CDON: variants seen among roughly 807,000 people sequenced by gnomAD.
The protein encoded by CDON is cell adhesion molecule-related/down-regulated by oncogenes.
In CDON, 73 loss-of-function variants were observed where a neutral mutation model predicts 120.9. The ratio of observed to expected loss-of-function variants is 0.60; its 90% CI spans 0.50 to 0.73. The LOEUF (loss-of-function observed/expected upper bound fraction) is 0.73. Ranked by LOEUF, CDON falls within the 30% of genes least tolerant of loss-of-function variation. The pLI, the probability that CDON is intolerant of heterozygous loss-of-function variation, is 0.00. For synonymous variants in CDON, 566 were observed against 573.5 expected (o/e 0.99, Z 0.19); for missense variants, 1,470 against 1,587.3 (o/e 0.93, Z 1.26).
intron 18 of CDON, among the ~76,000 whole-genome samples, chr11:125,970,468 C>A (rs571402335): frequency 1.3e-5 from 2 of 151,982 alleles, no homozygotes; most frequent in East Asian, 3.9e-4. Flanking sequence ...CCACCGCACC[C>A]GGCCAGTAGT....
At chr11:126,023,322 G>T in intron 2 of CDON, 79 bp downstream of exon 2, 1 of 895,962 alleles carries the variant, frequency 1.1e-6, no homozygotes, top group Non-Finnish European at 1.9e-6. Context: ...TTATCACAAA[G>T]CATTGAAGTA....
intron 1 of CDON, among the ~76,000 whole-genome samples, chr11:126,044,021 G>C (rs1369127967): frequency 6.6e-6 from 1 of 152,170 alleles, no homozygotes; most frequent in Non-Finnish European, 1.5e-5. Flanking sequence ...ACATCTGAAG[G>C]CCACATGACA....
chr11:126,034,529 T>C lies in CDON; in HGVS notation c.-61-10992A>G, dbSNP rs957093243. ...CTCAGTTAGGTTCTATTCACAATAT[T>C]TGTGTGTTTAAAAAAAAAAGTCAAG... On this transcript the variant is annotated intron_variant, in intron 1 of 19. Transcript: ENST00000531738. The surrounding 1 kb of genome is among the most constrained non-coding windows in gnomAD (Gnocchi z 4.5). Among the ~76,000 whole-genome samples, 16 of 152,092 alleles carry C rather than the reference T, an allele frequency of 1.1e-4. No homozygotes were observed. The highest frequency in any genetic ancestry group is 3.9e-4 in the African/African-American group (16 of 41,398).
chr11:125,963,211 C>T (rs2134345567), intron 18 of CDON, among the ~76,000 whole-genome samples: 1 of 152,184 alleles, frequency 6.6e-6, no homozygotes, highest in East Asian at 1.9e-4. Flanking sequence ...GCTTATTCTC[C>T]AATACTTTCA....
intron 18 of CDON, among the ~76,000 whole-genome samples, chr11:125,977,676 T>G (rs1565498138): frequency 1.3e-5 from 2 of 151,920 alleles, no homozygotes; most frequent in African/African-American, 4.8e-5. Context: ...TAGAGAGAGG[T>G]CGTAGGAAAG....
chr11:126,023,543 A>G lies in CDON; in HGVS notation c.-61-6T>C, dbSNP rs1237409126. The G allele has an allele frequency of 1.0e-5, 12 of 1,148,770 alleles. No homozygotes were observed. The highest frequency in any genetic ancestry group is 1.5e-5 in the African/African-American group (1 of 65,726). 71.2% of individuals were successfully genotyped at this position (1,148,770 alleles called of 1,614,324 possible). A position where few individuals can be genotyped will look rare whatever the true frequency, so the allele number is the denominator to read the frequency against. On this transcript the variant is annotated splice_polypyrimidine_tract_variant and splice_region_variant and intron_variant, in intron 1 of 19. Coordinates refer to ENST00000531738, the MANE Select transcript of CDON (RefSeq NM_001378964.1). ...AAAACCCAGTCCTTGGTTCACTAAAAAAGAAAAAGGAAAGAAAATCTAAAC... is the reference window on the plus strand; with the variant it reads ...AAAACCCAGTCCTTGGTTCACTAAAGAAGAAAAAGGAAAGAAAATCTAAAC...
intron 13 of CDON, 133 bp from the exon 14 acceptor site, chr11:125,994,522 A>T: frequency 1.5e-6 from 1 of 678,682 alleles, no homozygotes; most frequent in Non-Finnish European, 2.6e-6. Context: ...GCCATTTTTA[A>T]TTTACTTCAA....
chr11:126,004,532 A>G (rs565203753), intron 9 of CDON: 5 of 169,856 alleles, frequency 2.9e-5, no homozygotes, highest in Non-Finnish European at 6.4e-5. Context: ...GTATATTTCC[A>G]GCATTCTTGC....
In CDON at chr11:126,034,436, G is replaced by C. The variant is rs573950727; in HGVS notation, c.-61-10899C>G. ...GGGTCACACGCAGAAAAAGGCAACA[G>C]TGAGGGGCTGCCAGCTGCAACAGGA... On this transcript the variant is annotated intron_variant, in intron 1 of 19. Coordinates refer to ENST00000531738, the MANE Select transcript of CDON (RefSeq NM_001378964.1). This position sits in a 1 kb window ranked among gnomAD's most constrained non-coding sequence, Gnocchi z 4.5. 6.6e-6 allele frequency among the ~76,000 whole-genome samples: 1 copy of C among 152,258 alleles called. No individual in the cohort carries two copies. Among genetic ancestry groups the C allele is most frequent in the South Asian group, 2.1e-4 (1 of 4,820 alleles).
At chr11:125,961,290 C>T (rs1945636629) in intron 19 of CDON, among the ~76,000 whole-genome samples, 185 bp from the exon 20 acceptor site, 1 of 152,144 alleles carries the variant, frequency 6.6e-6, no homozygotes, top group Non-Finnish European at 1.5e-5. Flanking sequence ...TAAAGTTGAG[C>T]TCTCATGAGA....
intron 1 of CDON, among the ~76,000 whole-genome samples, chr11:126,043,656 GTTT>G (rs1416580342): frequency 3.9e-5 from 6 of 152,164 alleles, no homozygotes; most frequent in Non-Finnish European, 7.3e-5. Flanking sequence ...ACAGGGTGAG[GTTT>G]GCACCCAGGG....
At chr11:126,038,817 C>T (rs1446195579) in intron 1 of CDON, among the ~76,000 whole-genome samples, 1 of 152,124 alleles carries the variant, frequency 6.6e-6, no homozygotes, top group African/African-American at 2.4e-5. Context: ...TAAGTAAGTA[C>T]CTCAAGAGTA....
At position 125,958,302 on chromosome 11, in the gene CDON, T is replaced by C. The variant is rs886047951; in HGVS notation, c.*2640A>G. 6.6e-6 allele frequency: 1 copy of C among 152,134 alleles called. No individual in the cohort carries two copies. The highest frequency in any genetic ancestry group is 2.4e-5 in the African/African-American group (1 of 41,416). The allele number at this position is 152,134 out of a possible 1,614,324, so 9.4% of individuals were successfully genotyped here. ...CAGGTCCCATGGCTCACTGAGTGAC[T>C]TGGGGATTTTAATGCCAACTTTGTA... On this transcript the variant is annotated 3_prime_UTR_variant, in exon 20 of 20. Coordinates refer to ENST00000531738, the MANE Select transcript of CDON (RefSeq NM_001378964.1).
chr11:126,020,446 CTTTA>C (rs1436970395), intron 3 of CDON, among the ~76,000 whole-genome samples: 1 of 152,166 alleles, frequency 6.6e-6, no homozygotes, highest in Non-Finnish European at 1.5e-5. Flanking sequence ...GCAGGGGACT[CTTTA>C]TTATCTCCAG....
chr11:126,006,039 G>C lies in CDON; in HGVS notation c.1571C>G (p.Thr524Arg), dbSNP rs746787685. ...AGGAAGTGTGACTGTCTCTGCTTTT[G>C]TATTTGTTTCAAAAGGAACTGCAGG... ...SLMVVPFETN[T>R]KAETVTLPDA... The change falls in exon 9 of 20, where the codon ACA (threonine) becomes AGA (arginine). Residue 524 changes from threonine to arginine, a missense_variant. Coordinates refer to ENST00000531738, the MANE Select transcript of CDON (RefSeq NM_001378964.1). 1 of 1,613,888 alleles carries C rather than the reference G, an allele frequency of 6.2e-7. No individual in the cohort carries two copies. Among genetic ancestry groups the C allele is most frequent in the Admixed American group, 1.7e-5 (1 of 60,008 alleles).
chr11:125,989,637 C>T lies in CDON; in HGVS notation c.2773G>A (p.Val925Met). 3 of 1,612,604 alleles carry T rather than the reference C, an allele frequency of 1.9e-6. No individual in the cohort carries two copies. Among genetic ancestry groups the T allele is most frequent in the South Asian group, 1.1e-5 (1 of 91,020 alleles). Residue 925 changes from valine (V) to methionine (M), a missense_variant and splice_region_variant, in exon 15 of 20, where the codon GTG becomes ATG. By Grantham distance (21) the Val-to-Met change is conservative. Coordinates refer to ENST00000531738, the MANE Select transcript of CDON (RefSeq NM_001378964.1). ...CAGGGAAAAGCAAAAATTCTCCTAC[C>T]TTTAGTCTCGCAGATCATCACATTG... ...FSNVMICETK[V>M]KRVPGASEYP...
rs75189574 is a variant in CDON, at chr11:126,047,650, T to G, written c.-62+14929A>C. On this transcript the variant is annotated intron_variant, in intron 1 of 19. Transcript: ENST00000531738. ...CCTCATTTTGCCTGTAAAGACTAAA[T>G]GGGATGATCCCATAGCCCCATGGAC... Among the ~76,000 whole-genome samples the G allele has an allele frequency of 8.9e-3, 1,361 of 152,292 alleles. 22 individuals are homozygous for G. The highest frequency in any genetic ancestry group is 0.031 in the African/African-American group (1,285 of 41,532).
chr11:125,976,955 T>C (rs1275072258), intron 18 of CDON, among the ~76,000 whole-genome samples: 2 of 152,206 alleles, frequency 1.3e-5, no homozygotes, highest in Non-Finnish European at 2.9e-5. Context: ...TACCATTCTA[T>C]TGTCCAGGAG....
rs1422605736 is a variant in CDON, at chr11:125,997,208, T to C, written c.2361A>G (p.Pro787=). The C allele has an allele frequency of 6.2e-7, 1 of 1,606,400 alleles. No individual in the cohort carries two copies. ...AAGGAAACGTTTGAATATTACTACC[T>C]GGTTCTAAACTACGAACTTCCACTG... ...KLSVEVRSLE[P]GSTYKFRVIA... The change falls in exon 12 of 20, where the codon CCA becomes CCG. Residue 787 remains proline, a splice_region_variant and synonymous_variant. Transcript: ENST00000531738.
Sources: gnomAD v4.1 joint callset for allele counts (sites outside exome capture counted in the v4.1 genomes callset) on GRCh38, gnomAD v4.1.1 for gene constraint, Gnocchi (gnomAD v3.1) non-coding constraint, MANE v1.5 for transcripts, NCBI Gene and HGNC (gene_info 2026-07-23, HGNC 2026-07-21) for gene names.